PSMD2: variants seen among roughly 807,000 people sequenced by gnomAD.
PSMD2 encodes proteasome 26S subunit ubiquitin receptor, non-ATPase 2.
A neutral mutation model predicts 101.5 loss-of-function variants in PSMD2; 8 were observed. That is an observed-to-expected ratio of 0.08 (90% CI 0.05 to 0.14). PSMD2 has a LOEUF of 0.14. Ranked by LOEUF, PSMD2 falls within the 10% of genes least tolerant of loss-of-function variation. The pLI is 1.00. For missense variants in PSMD2, 784 were observed against 1,147.4 expected (o/e 0.68, Z 4.58); for synonymous variants, 418 against 433.8 (o/e 0.96, Z 0.45).
At chr3:184,305,689 G>A in intron 12 of PSMD2, 79 bp from the exon 13 acceptor site, 1 of 1,325,618 alleles carries the variant, frequency 7.5e-7, no homozygotes, top group Non-Finnish European at 1.1e-6. Flanking sequence ...GCAGTGGACT[G>A]TAGGAATAGG....
At position 184,304,310 on chromosome 3, in the gene PSMD2, C is replaced by T. The variant is rs1443357860; in HGVS notation, c.1458C>T (p.Gly486=). Reference sequence around the variant, plus strand: ...CTTTCCATGGCTTTTGCAGGCTAGGCTTGGCTTATGCTGGCTCAAATCGTG... The same window carrying T: ...CTTTCCATGGCTTTTGCAGGCTAGGTTTGGCTTATGCTGGCTCAAATCGTG... ...TMRLGSIFGL[G]LAYAGSNRED... is the part of the protein sequence containing the mutation. Residue 486 remains glycine (G), a synonymous_variant, in exon 12 of 21, where the codon GGC becomes GGT. Transcript: ENST00000310118. The surrounding 1 kb of genome is among the most constrained non-coding windows in gnomAD (Gnocchi z 4.1). The T allele has an allele frequency of 1.2e-6, 2 of 1,614,140 alleles. No homozygotes were observed. Among genetic ancestry groups the T allele is most frequent in the East Asian group, 2.2e-5 (1 of 44,880 alleles).
At chr3:184,300,639 C>T (rs1412556386) in intron 3 of PSMD2, 195 bp downstream of exon 3, 3 of 1,393,964 alleles carry the variant, frequency 2.2e-6, no homozygotes, top group African/African-American at 2.9e-5. Context: ...CTGTTTCTGT[C>T]ATGTGTATTG....
In PSMD2 at chr3:184,308,404, C is replaced by CTGTCTTTTTGTCTCT; in HGVS notation, c.2426-43_2426-29dup. ...GGGCTCTCAATGTTTCTGGCCAGGC[C>CTGTCTTTTTGTCTCT]TGTCTTTTTGTCTCTTAACTTTTTG... On this transcript the variant is annotated intron_variant, in intron 19 of 20. Coordinates refer to ENST00000310118, the MANE Select transcript of PSMD2 (RefSeq NM_002808.5). This position sits in a 1 kb window ranked among gnomAD's most constrained non-coding sequence, Gnocchi z 6.0. 6.7e-7 allele frequency: 1 copy of CTGTCTTTTTGTCTCT among 1,487,520 alleles called. No individual in the cohort carries two copies. The highest frequency in any genetic ancestry group is 1.2e-5 in the South Asian group (1 of 84,502). 92.1% of individuals were successfully genotyped at this position (1,487,520 alleles called of 1,614,324 possible). A position where few individuals can be genotyped will look rare whatever the true frequency, so the allele number is the denominator to read the frequency against.
intron 15 of PSMD2, 29 bp from the exon 16 acceptor site, chr3:184,306,722 A>G: frequency 6.3e-7 from 1 of 1,597,342 alleles, no homozygotes; most frequent in South Asian, 1.1e-5. Context: ...CCTTGAGCTT[A>G]ATGGGTTCTG....
In PSMD2 at chr3:184,308,950, C is replaced by A; in HGVS notation, c.*60C>A. 1 of 1,513,784 alleles carries A rather than the reference C, an allele frequency of 6.6e-7. No homozygotes were observed. Among genetic ancestry groups the A allele is most frequent in the Non-Finnish European group, 9.0e-7 (1 of 1,107,312 alleles). 93.8% of individuals were successfully genotyped at this position (1,513,784 alleles called of 1,614,324 possible). ...TATCAGCAGGCCATGCATCCTGCTG[C>A]CAAGGGTGGACACGGCTGCAGACTT... On this transcript the variant is annotated 3_prime_UTR_variant, in exon 21 of 21. Coordinates refer to ENST00000310118, the MANE Select transcript of PSMD2 (RefSeq NM_002808.5). The surrounding 1 kb of genome is among the most constrained non-coding windows in gnomAD (Gnocchi z 6.0).
chr3:184,302,946 A>C, intron 7 of PSMD2, 56 bp from the exon 8 acceptor site: 1 of 1,611,164 alleles, frequency 6.2e-7, no homozygotes, highest in Non-Finnish European at 8.5e-7. Flanking sequence ...GGATAGCAGA[A>C]GGGACAGCTG....
Position 184,302,356 on chromosome 3 carries a change from T to G in PSMD2, c.705-14T>G. Reference sequence around the variant, plus strand: ...TGGGACTTTCTGAATTCTTTGTTACTTTTACTTTTGTAGTTGTGTGAATTA... The same window carrying G: ...TGGGACTTTCTGAATTCTTTGTTACGTTTACTTTTGTAGTTGTGTGAATTA... On this transcript the variant is annotated splice_polypyrimidine_tract_variant and intron_variant, in intron 5 of 20. Transcript: ENST00000310118. The G allele has an allele frequency of 1.2e-6, 2 of 1,605,716 alleles. No homozygotes were observed. Among genetic ancestry groups the G allele is most frequent in the Non-Finnish European group, 1.7e-6 (2 of 1,177,016 alleles).
chr3:184,304,222 T>G lies in PSMD2; in HGVS notation c.1452-82T>G. 6.4e-7 allele frequency: 1 copy of G among 1,557,584 alleles called. No individual in the cohort carries two copies. The highest frequency in any genetic ancestry group is 8.9e-7 in the Non-Finnish European group (1 of 1,128,920). On this transcript the variant is annotated intron_variant, in intron 11 of 20. Coordinates refer to ENST00000310118, the MANE Select transcript of PSMD2 (RefSeq NM_002808.5). The surrounding 1 kb of genome is among the most constrained non-coding windows in gnomAD (Gnocchi z 4.1). ...GGTGAATGTTTGTTGAAATGGTGAATGAATGACCGATTCTCCTTTTGTTCT... is the reference window on the plus strand; with the variant it reads ...GGTGAATGTTTGTTGAAATGGTGAAGGAATGACCGATTCTCCTTTTGTTCT...
Position 184,301,527 on chromosome 3 carries a change from T to C in PSMD2, c.358-10T>C. ...CTGGGTTTGACTTCAAAGAACTCTT[T>C]TCTTTATAGCGTTTTGCTGCTGACA... On this transcript the variant is annotated splice_polypyrimidine_tract_variant and intron_variant, in intron 3 of 20. Coordinates refer to ENST00000310118, the MANE Select transcript of PSMD2 (RefSeq NM_002808.5). 6.2e-7 allele frequency: 1 copy of C among 1,613,084 alleles called. No individual in the cohort carries two copies. The highest frequency in any genetic ancestry group is 8.5e-7 in the Non-Finnish European group (1 of 1,179,800).
At chr3:184,299,751 C>T in intron 1 of PSMD2, 100 bp from the exon 2 acceptor site, 2 of 1,007,968 alleles carry the variant, frequency 2.0e-6, no homozygotes, top group Non-Finnish European at 3.1e-6. Context: ...CCTGGCCCCT[C>T]CTAAGGAGGC....
intron 9 of PSMD2, 82 bp downstream of exon 9, chr3:184,303,548 G>C: frequency 6.2e-7 from 1 of 1,605,044 alleles, no homozygotes; most frequent in Non-Finnish European, 8.5e-7. Context: ...TATCTGACAA[G>C]GGATCCACCA....
chr3:184,299,458 T>C, intron 1 of PSMD2, 57 bp downstream of exon 1: 1 of 1,301,200 alleles, frequency 7.7e-7, no homozygotes, highest in Middle Eastern at 2.7e-4. Context: ...TCACGGCGGC[T>C]CCGCAGGCCT....
rs759448769 is a variant in PSMD2, at chr3:184,305,840, A to G, written c.1612A>G (p.Ile538Val). The G allele has an allele frequency of 3.7e-5, 60 of 1,614,074 alleles. No homozygotes were observed. The highest frequency in any genetic ancestry group is 4.8e-5 in the Non-Finnish European group (57 of 1,180,040). The part of the protein sequence containing the change: ...GSCNGDVTST[I>V]LQTIMEKSET... Reference sequence around the variant, plus strand: ...CTGCAATGGAGATGTAACTTCCACTATCCTTCAGACCATCATGGAGAAGTC... The same window carrying G: ...CTGCAATGGAGATGTAACTTCCACTGTCCTTCAGACCATCATGGAGAAGTC... The change falls in exon 13 of 21, where the codon ATC becomes GTC. Residue 538 changes from isoleucine to valine, a missense_variant. Coordinates refer to ENST00000310118, the MANE Select transcript of PSMD2 (RefSeq NM_002808.5).
chr3:184,308,313 G>T lies in PSMD2; in HGVS notation c.2426-136G>T. The T allele has an allele frequency of 2.4e-6, 2 of 827,120 alleles. No homozygotes were observed. The highest frequency in any genetic ancestry group is 3.9e-6 in the Non-Finnish European group (2 of 518,682). 51.2% of individuals were successfully genotyped at this position (827,120 alleles called of 1,614,324 possible). A position where few individuals can be genotyped will look rare whatever the true frequency, so the allele number is the denominator to read the frequency against. ...TGGGGGCGTCTCTGGTTCGTAGTAG[G>T]GTGTATGAGGGGAGGAGTGTGGATT... On this transcript the variant is annotated intron_variant, in intron 19 of 20. Coordinates refer to ENST00000310118, the MANE Select transcript of PSMD2 (RefSeq NM_002808.5). This position sits in a 1 kb window ranked among gnomAD's most constrained non-coding sequence, Gnocchi z 6.0.
Position 184,308,603 on chromosome 3 carries a change from A to G in PSMD2, c.2544+36A>G, listed in dbSNP as rs776010862. The G allele has an allele frequency of 6.3e-7, 1 of 1,595,044 alleles. No homozygotes were observed. The highest frequency in any genetic ancestry group is 8.6e-7 in the Non-Finnish European group (1 of 1,164,372). On this transcript the variant is annotated intron_variant, in intron 20 of 20. Coordinates refer to ENST00000310118, the MANE Select transcript of PSMD2 (RefSeq NM_002808.5). The surrounding 1 kb of genome is among the most constrained non-coding windows in gnomAD (Gnocchi z 6.0). ...GAGTAGAGGGGAGGGCTCAGGCTGT[A>G]TTCTCAAACTGGAGAATGTACATAT...
At position 184,302,544 on chromosome 3, in the gene PSMD2, G is replaced by A; in HGVS notation, c.863+16G>A. On this transcript the variant is annotated intron_variant, in intron 6 of 20. Coordinates refer to ENST00000310118, the MANE Select transcript of PSMD2 (RefSeq NM_002808.5). ...GCAAGGATGTGTATGTAGGGAAGAA[G>A]CTGGCAAAGAGATAAGCTTACGAAT... is the stretch of plus-strand genomic sequence containing the variant. The A allele has an allele frequency of 1.2e-6, 2 of 1,613,578 alleles. No homozygotes were observed. The highest frequency in any genetic ancestry group is 1.7e-6 in the Non-Finnish European group (2 of 1,179,700).
intron 15 of PSMD2, 25 bp downstream of exon 15, chr3:184,306,520 C>T (rs756077965): frequency 2.2e-5 from 35 of 1,605,918 alleles, no homozygotes; most frequent in Non-Finnish European, 2.8e-5. Context: ...TGGGCACTTG[C>T]AGAGAGGCTG....
chr3:184,306,966 T>C (rs1721853292), intron 16 of PSMD2, 132 bp downstream of exon 16: 5 of 780,676 alleles, frequency 6.4e-6, no homozygotes, highest in Non-Finnish European at 1.0e-5. Context: ...CTTTTTTCTT[T>C]TCTTTTTTGA....
In PSMD2 at chr3:184,308,835, C is replaced by T. The variant is rs1560197830; in HGVS notation, c.2672C>T (p.Thr891Ile). ...GCCACTGAGGAGTTTCTTCCTGTTA[C>T]CCCCATTCTGGAAGGTTTTGTTATC... ...ELATEEFLPV[T>I]PILEGFVILR... Residue 891 changes from threonine (T) to isoleucine (I), a missense_variant, in exon 21 of 21, where the codon ACC becomes ATC. This residue lies in a region of PSMD2 where 33 missense variants were observed against 38.2 expected (regional missense o/e 0.86). Transcript: ENST00000310118. The surrounding 1 kb of genome is among the most constrained non-coding windows in gnomAD (Gnocchi z 6.0). 3.1e-6 allele frequency: 5 copies of T among 1,612,952 alleles called. No individual in the cohort carries two copies. The highest frequency in any genetic ancestry group is 4.2e-6 in the Non-Finnish European group (5 of 1,180,036).
Sources: allele counts gnomAD v4.1 joint callset, GRCh38; gene constraint gnomAD v4.1.1; regional missense constraint gnomAD v4.1.1; non-coding constraint Gnocchi (gnomAD v3.1); transcripts MANE v1.5; gene names NCBI Gene and HGNC (gene_info 2026-07-23, HGNC 2026-07-21).